The following BMPR1B variants were observed in gnomAD, a reference collection of about 807,000 sequenced individuals.
BMPR1B encodes bone morphogenetic protein receptor type 1B, also known as bone morphogenetic protein receptor type-1B.
Under a neutral mutation model 59.1 loss-of-function variants are expected in BMPR1B, and 12 were observed. That is an observed-to-expected ratio of 0.20 (90% CI 0.13 to 0.33). The LOEUF (loss-of-function observed/expected upper bound fraction) is 0.33, where lower values mean the gene tolerates loss of function less well. BMPR1B is among the 10% of genes least tolerant of loss of function. The probability of loss-of-function intolerance (pLI) is 1.00; values close to 1 mark genes in which losing one functional copy is unlikely to be tolerated. For missense variants in BMPR1B, 550 were observed against 610.9 expected (o/e 0.90, Z 1.05); for synonymous variants, 237 against 207.3 (o/e 1.14, Z -1.23).
At chr4:95,136,667 A>G (rs1733814042) in intron 10 of BMPR1B, among the ~76,000 whole-genome samples, 1 of 151,948 alleles carries the variant, frequency 6.6e-6, no homozygotes, top group Admixed American at 6.5e-5. Context: ...GAATTTATCC[A>G]TTTCTTCTAT....
At chr4:94,836,187 CT>C in intron 1 of BMPR1B, among the ~76,000 whole-genome samples, 1 of 150,172 alleles carries the variant, frequency 6.7e-6, no homozygotes, top group Non-Finnish European at 1.5e-5. Context: ...GGTTCCAAGT[CT>C]TTGCTATTGT....
At chr4:94,888,267 G>T (rs1560532995) in intron 2 of BMPR1B, among the ~76,000 whole-genome samples, 2 of 151,892 alleles carry the variant, frequency 1.3e-5, no homozygotes. Context: ...TCCAAATCAT[G>T]ACTAGGAAAA....
intron 3 of BMPR1B, among the ~76,000 whole-genome samples, chr4:95,000,178 A>C (rs946482502): frequency 1.3e-5 from 2 of 152,158 alleles, no homozygotes; most frequent in Non-Finnish European, 2.9e-5. Flanking sequence ...AGTTTCCACT[A>C]CTATTTAAAC....
At chr4:94,966,742 AT>A (rs571638442) in intron 2 of BMPR1B, among the ~76,000 whole-genome samples, 3 of 151,760 alleles carry the variant, frequency 2.0e-5, no homozygotes, top group Admixed American at 2.0e-4. Context: ...CATGCCTGAA[AT>A]TTTTTTTTCA....
intron 1 of BMPR1B, among the ~76,000 whole-genome samples, chr4:94,759,998 C>T (rs1485487969): frequency 1.3e-5 from 2 of 152,142 alleles, no homozygotes; most frequent in Non-Finnish European, 2.9e-5. Context: ...GTTATTTGTC[C>T]AATCTGAATT....
chr4:94,943,609 T>C (rs1729601493), intron 2 of BMPR1B, among the ~76,000 whole-genome samples: 1 of 152,330 alleles, frequency 6.6e-6, no homozygotes, highest in South Asian at 2.1e-4. Context: ...GATATTATTT[T>C]GATTCTTGGT....
chr4:95,096,476 T>C (rs1730381309), intron 3 of BMPR1B, among the ~76,000 whole-genome samples: 1 of 151,256 alleles, frequency 6.6e-6, no homozygotes, highest in African/African-American at 2.4e-5. Context: ...ATATTCTTAA[T>C]ATTCTATTTT....
intron 3 of BMPR1B, among the ~76,000 whole-genome samples, chr4:95,069,686 G>A (rs1012578319): frequency 2.0e-5 from 3 of 152,172 alleles, no homozygotes; most frequent in African/African-American, 7.2e-5. Flanking sequence ...TGAGCTGTGA[G>A]GGCATGGAAT....
chr4:95,146,890 C>T (rs117068870), intron 10 of BMPR1B, among the ~76,000 whole-genome samples: 2 of 152,298 alleles, frequency 1.3e-5, no homozygotes, highest in East Asian at 1.9e-4. Flanking sequence ...CATTAAGTCT[C>T]TTCTCAGCAT....
intron 1 of BMPR1B, among the ~76,000 whole-genome samples, chr4:94,774,002 C>T (rs368155922): frequency 3.9e-5 from 6 of 151,990 alleles, no homozygotes; most frequent in South Asian, 2.1e-4. Flanking sequence ...AAACCTGATA[C>T]GTGCTTATTA....
chr4:94,894,901 A>G (rs17429189), intron 2 of BMPR1B, among the ~76,000 whole-genome samples: 5,143 of 151,766 alleles, frequency 0.034, 132 homozygotes, highest in South Asian at 0.069. Context: ...TTTGATCACT[A>G]TTTGATTTTT....
intron 5 of BMPR1B, 129 bp from the exon 6 acceptor site, chr4:95,115,556 A>C: frequency 2.6e-6 from 2 of 782,398 alleles, no homozygotes; most frequent in Admixed American, 2.1e-5. Context: ...GAACATATTT[A>C]AGGTGTTTGA....
chr4:95,130,146 C>G (rs1329337982), intron 9 of BMPR1B, 92 bp downstream of exon 9: 1 of 1,465,502 alleles, frequency 6.8e-7, no homozygotes. Context: ...CTGTCTAGAC[C>G]CGTTGCGAAA....
At chr4:94,890,209 A>G (rs982122149) in intron 2 of BMPR1B, among the ~76,000 whole-genome samples, 1 of 152,068 alleles carries the variant, frequency 6.6e-6, no homozygotes, top group African/African-American at 2.4e-5. Context: ...CTTGGACCTG[A>G]GAAGTGACAC....
chr4:94,798,036 G>A (rs934724904), intron 1 of BMPR1B, among the ~76,000 whole-genome samples: 5 of 152,106 alleles, frequency 3.3e-5, no homozygotes. Flanking sequence ...ATCTACCATT[G>A]TGTTTACCAC....
intron 9 of BMPR1B, among the ~76,000 whole-genome samples, chr4:95,130,773 C>T (rs1352718220): frequency 7.5e-6 from 1 of 133,434 alleles, no homozygotes; most frequent in Non-Finnish European, 1.5e-5. Context: ...CTCTGTCACC[C>T]AGGCTGGAGT....
chr4:95,102,522 CTATTTT>C lies in BMPR1B; in HGVS notation c.-17-1881_-17-1876del, dbSNP rs151263969. Among the ~76,000 whole-genome samples, 34 of 152,286 alleles carry C rather than the reference CTATTTT, an allele frequency of 2.2e-4. No homozygotes were observed. In the East Asian group the frequency reaches 6.2e-3, roughly 28 times the overall value. ...CAGGAAGTAATAAATTTTAAATACT[CTATTTT>C]TATTACTTGGTCTACTGAGGTGACT... is the stretch of plus-strand genomic sequence containing the variant. On this transcript the variant is annotated intron_variant, in intron 3 of 12. Coordinates refer to ENST00000515059, the MANE Select transcript of BMPR1B (RefSeq NM_001203.3).
At chr4:94,867,066 T>TCTC (rs150115617) in intron 1 of BMPR1B, among the ~76,000 whole-genome samples, 5,749 of 152,224 alleles carry the variant, frequency 0.038, 352 homozygotes, top group African/African-American at 0.13. Context: ...TCACTTATCT[T>TCTC]CTCTTATTTA....
intron 2 of BMPR1B, among the ~76,000 whole-genome samples, chr4:94,981,014 C>T (rs1721044603): frequency 1.3e-5 from 2 of 149,120 alleles, no homozygotes; most frequent in Admixed American, 1.3e-4. Context: ...CACACACACA[C>T]ACACACACAA....
Sources: gnomAD v4.1 joint callset for allele counts (sites outside exome capture counted in the v4.1 genomes callset) on GRCh38, gnomAD v4.1.1 for gene constraint, MANE v1.5 for transcripts, NCBI Gene and HGNC (gene_info 2026-07-23, HGNC 2026-07-21) for gene names.